Variants in WDR82 observed in about 807,000 individuals in gnomAD.
WDR82 encodes WD repeat-containing protein 82.
WDR82 carries 8 observed loss-of-function variants against 36.1 expected under a neutral mutation model. The ratio of observed to expected loss-of-function variants is 0.22; its 90% CI spans 0.13 to 0.40. The LOEUF is 0.40. Among genes scored for constraint, WDR82 ranks in the 10% least tolerant of loss-of-function variants. The pLI is 1.00. For synonymous variants in WDR82, 129 were observed against 137.8 expected (o/e 0.94, Z 0.45); for missense variants, 185 against 400.5 (o/e 0.46, Z 4.59).
intron 1 of WDR82, among the ~76,000 whole-genome samples, chr3:52,275,713 G>A (rs1255489651): frequency 6.6e-6 from 1 of 152,020 alleles, no homozygotes; most frequent in Admixed American, 6.6e-5. Context: ...GTGAAACCCT[G>A]CCTCTACTAA....
chr3:52,265,538 CAA>C (rs1376078201), intron 3 of WDR82, among the ~76,000 whole-genome samples: 1 of 150,246 alleles, frequency 6.7e-6, no homozygotes, highest in Non-Finnish European at 1.5e-5. Context: ...TTCAGCAACA[CAA>C]ATGGCCTGCC....
chr3:52,265,959 T>C (rs975852799), intron 3 of WDR82, among the ~76,000 whole-genome samples: 5 of 152,138 alleles, frequency 3.3e-5, no homozygotes, highest in African/African-American at 1.2e-4. Flanking sequence ...TGGGTTACTG[T>C]ACATTTGCAA....
chr3:52,259,254 T>G lies in WDR82; in HGVS notation c.712A>C (p.Ser238Arg). 6.2e-7 allele frequency: 1 copy of G among 1,614,232 alleles called. No individual in the cohort carries two copies. The highest frequency in any genetic ancestry group is 8.5e-7 in the Non-Finnish European group (1 of 1,180,040). The change falls in exon 7 of 9, where the codon AGC becomes CGC. Residue 238 changes from serine to arginine, a missense_variant. Ser to Arg is a moderately radical substitution (Grantham distance 110). Around this residue, in one of 3 missense-constraint regions of WDR82, gnomAD observed 110 missense variants for 212.6 expected, o/e 0.52. Transcript: ENST00000296490. ...VMHTFGGYAN[S>R]KAVTLEASFT... ...GAAGCCTCCAGTGTGACAGCTTTGCTGTTGGCATAACCCTAAAACAAAACA... is the reference window on the plus strand; with the variant it reads ...GAAGCCTCCAGTGTGACAGCTTTGCGGTTGGCATAACCCTAAAACAAAACA...
chr3:52,270,693 C>T lies in WDR82; in HGVS notation c.259+19G>A. ...ACAAAGGAAACCATGACCTTAACTTCCTAAAAAGGCTTGCTTACCGTCTAT... is the reference window on the plus strand; with the variant it reads ...ACAAAGGAAACCATGACCTTAACTTTCTAAAAAGGCTTGCTTACCGTCTAT... On this transcript the variant is annotated intron_variant, in intron 2 of 8. Transcript: ENST00000296490. 6.3e-7 allele frequency: 1 copy of T among 1,591,324 alleles called. No homozygotes were observed. The highest frequency in any genetic ancestry group is 8.6e-7 in the Non-Finnish European group (1 of 1,168,310).
chr3:52,278,120 C>T lies in WDR82; in HGVS notation c.161+81G>A, dbSNP rs552414686. ...AATAGGCTGGGGGCTGAAGTCGGGACGGAGGGCAGGCCGAGGGACCTGTGC... is the reference window on the plus strand; with the variant it reads ...AATAGGCTGGGGGCTGAAGTCGGGATGGAGGGCAGGCCGAGGGACCTGTGC... On this transcript the variant is annotated intron_variant, in intron 1 of 8. Coordinates refer to ENST00000296490, the MANE Select transcript of WDR82 (RefSeq NM_025222.4). 2.9e-6 allele frequency: 4 copies of T among 1,372,782 alleles called. No individual in the cohort carries two copies. The South Asian group carries it at 5.1e-5, about 17-fold the overall frequency. The allele number at this position is 1,372,782 out of a possible 1,614,324, so 85.0% of individuals were successfully genotyped here. A position where few individuals can be genotyped will look rare whatever the true frequency, so the allele number is the denominator to read the frequency against.
At chr3:52,257,598 G>A (rs1700020950) in intron 8 of WDR82, 79 bp from the exon 9 acceptor site, 2 of 1,578,444 alleles carry the variant, frequency 1.3e-6, no homozygotes, top group Admixed American at 1.7e-5. Context: ...CCACCCCACA[G>A]CAAAAATGTG....
At chr3:52,257,613 AC>A in intron 8 of WDR82, 94 bp from the exon 9 acceptor site, 3 of 1,510,824 alleles carry the variant, frequency 2.0e-6, no homozygotes, top group South Asian at 1.2e-5. Flanking sequence ...AATGTGCCCA[AC>A]CCCAGTGGCT....
chr3:52,261,169 CAATT>C (rs948351953), intron 4 of WDR82, among the ~76,000 whole-genome samples: 2 of 152,220 alleles, frequency 1.3e-5, no homozygotes, highest in Admixed American at 6.5e-5. Flanking sequence ...AAACCCACAA[CAATT>C]AAGCCACAGA....
At chr3:52,275,599 C>T (rs1339017645) in intron 1 of WDR82, among the ~76,000 whole-genome samples, 2 of 151,904 alleles carry the variant, frequency 1.3e-5, no homozygotes, top group East Asian at 1.9e-4. Context: ...AGAAAATCCA[C>T]GTTGAGCCGG....
At chr3:52,270,667 A>G in intron 2 of WDR82, 45 bp downstream of exon 2, 1 of 1,469,400 alleles carries the variant, frequency 6.8e-7, no homozygotes, top group Non-Finnish European at 9.4e-7. Context: ...TGAACTATTT[A>G]ACAAAGGAAA....
intron 2 of WDR82, among the ~76,000 whole-genome samples, chr3:52,269,703 C>A (rs905570801): frequency 2.6e-5 from 4 of 152,062 alleles, no homozygotes; most frequent in African/African-American, 4.8e-5. Flanking sequence ...GCACTCCAGC[C>A]TAGGCAACAG....
At chr3:52,276,454 AAAAG>A (rs1350244709) in intron 1 of WDR82, among the ~76,000 whole-genome samples, 28 of 152,266 alleles carry the variant, frequency 1.8e-4, no homozygotes, top group Admixed American at 4.6e-4. Flanking sequence ...AAAAACAAAA[AAAAG>A]AAAGACAGGA....
chr3:52,273,493 G>C (rs1463376619), intron 1 of WDR82, among the ~76,000 whole-genome samples: 1 of 147,802 alleles, frequency 6.8e-6, no homozygotes, highest in Non-Finnish European at 1.5e-5. Flanking sequence ...AAAGAGAATA[G>C]TGTAAGGAAA....
At chr3:52,274,980 T>C (rs1023158412) in intron 1 of WDR82, among the ~76,000 whole-genome samples, 3 of 152,072 alleles carry the variant, frequency 2.0e-5, no homozygotes, top group Non-Finnish European at 4.4e-5. Flanking sequence ...CCCAGCACTT[T>C]GGGAGGCCGA....
In WDR82 at chr3:52,256,592, C is replaced by G. The variant is rs1700011706; in HGVS notation, c.*898G>C. The G allele has an allele frequency of 6.5e-6, 1 of 153,766 alleles. No individual in the cohort carries two copies. Among genetic ancestry groups the G allele is most frequent in the African/African-American group, 2.4e-5 (1 of 41,434 alleles). The allele number at this position is 153,766 out of a possible 1,614,324, so 9.5% of individuals were successfully genotyped here. On this transcript the variant is annotated 3_prime_UTR_variant, in exon 9 of 9. Transcript: ENST00000296490. ...GGCATCAGTGTAAACAACTCAGACT[C>G]ACTTCACAATACTGGCCCACAGGTA...
In WDR82 at chr3:52,267,004, A is replaced by G; in HGVS notation, c.274T>C (p.Leu92=). The G allele has an allele frequency of 6.2e-7, 1 of 1,610,026 alleles. No homozygotes were observed. Among genetic ancestry groups the G allele is most frequent in the Non-Finnish European group, 8.5e-7 (1 of 1,177,270 alleles). ...ATGTATTTGTTGTCATGCAAGGACA[A>G]GTAACGAATAGTATCTGTAAAAAGA... ...SNKIDDTIRY[L]SLHDNKYIRY... Residue 92 remains leucine, a synonymous_variant, in exon 3 of 9, where the codon TTG becomes CTG. Coordinates refer to ENST00000296490, the MANE Select transcript of WDR82 (RefSeq NM_025222.4).
chr3:52,257,811 G>A (rs1416684021), intron 8 of WDR82, among the ~76,000 whole-genome samples: 1 of 152,064 alleles, frequency 6.6e-6, no homozygotes, highest in African/African-American at 2.4e-5. Context: ...CTGGGAGGTG[G>A]GTGAATAAGT....
intron 1 of WDR82, among the ~76,000 whole-genome samples, chr3:52,276,794 A>G (rs1262710583): frequency 1.3e-5 from 2 of 152,202 alleles, no homozygotes; most frequent in African/African-American, 4.8e-5. Flanking sequence ...CTATTTGTCC[A>G]GCTAACAATT....
chr3:52,259,365 ATGAAACCCTTTCCT>A lies in WDR82; in HGVS notation c.700-113_700-100del, dbSNP rs1195738976. On this transcript the variant is annotated intron_variant, in intron 6 of 8. Coordinates refer to ENST00000296490, the MANE Select transcript of WDR82 (RefSeq NM_025222.4). ...CAGCACATGCATCACCTTCCTTTCC[ATGAAACCCTTTCCT>A]TGTCATGTACTACACCACCAAGCTT... 219 of 1,217,332 alleles carry A rather than the reference ATGAAACCCTTTCCT, an allele frequency of 1.8e-4. No individual in the cohort carries two copies. The African/African-American group carries it at 3.0e-3, about 16-fold the overall frequency. 75.4% of individuals were successfully genotyped at this position (1,217,332 alleles called of 1,614,324 possible).
Sources: allele counts gnomAD v4.1 joint callset (sites outside exome capture counted in the v4.1 genomes callset), GRCh38; gene constraint gnomAD v4.1.1; regional missense constraint gnomAD v4.1.1; transcripts MANE v1.5; gene names NCBI Gene and HGNC (gene_info 2026-07-23, HGNC 2026-07-21).